NEBL: variants seen among roughly 807,000 people sequenced by gnomAD.
NEBL encodes the protein LIM and SH3 protein 2.
A neutral mutation model predicts 140.2 loss-of-function variants in NEBL; 122 were observed. The ratio of observed to expected loss-of-function variants is 0.87; its 90% CI spans 0.75 to 1.01. The LOEUF (loss-of-function observed/expected upper bound fraction) is 1.01, where lower values mean the gene tolerates loss of function less well. Ranked by LOEUF, NEBL falls within the 50% of genes least tolerant of loss-of-function variation. The probability of loss-of-function intolerance (pLI) is 0.00; values close to 1 mark genes in which losing one functional copy is unlikely to be tolerated. For missense variants in NEBL, 1,365 were observed against 1,231.3 expected, an observed-to-expected ratio of 1.11 and a Z score of -1.62; for synonymous variants, 436 against 398.9, an observed-to-expected ratio of 1.09 and a Z score of -1.11.
chr10:21,115,085 C>T (rs1838221413), intron 2 of NEBL, among the ~76,000 whole-genome samples: 1 of 151,760 alleles, frequency 6.6e-6, no homozygotes, highest in South Asian at 2.1e-4. Context: ...TTAGGCATTT[C>T]ATTAAGTTTT....
chr10:20,984,717 G>A (rs1240083309), intron 3 of NEBL, among the ~76,000 whole-genome samples: 2 of 152,030 alleles, frequency 1.3e-5, no homozygotes, highest in Non-Finnish European at 2.9e-5. Context: ...ATGCTGTAAA[G>A]CAGAGGTCCC....
chr10:21,227,586 A>G (rs1842168582), intron 3 of NEBL, among the ~76,000 whole-genome samples: 2 of 152,182 alleles, frequency 1.3e-5, no homozygotes, highest in South Asian at 4.1e-4. Flanking sequence ...AAAGCTACAT[A>G]CTTTTTCAAG....
chr10:21,285,516 T>G (rs1588601058), intron 1 of NEBL, among the ~76,000 whole-genome samples: 3 of 152,348 alleles, frequency 2.0e-5, no homozygotes, highest in East Asian at 1.9e-4. Context: ...ATATACTGAT[T>G]GATGTCTCAC....
chr10:21,027,309 A>C (rs1437162840), intron 2 of NEBL, among the ~76,000 whole-genome samples: 2 of 146,342 alleles, frequency 1.4e-5, no homozygotes, highest in Non-Finnish European at 1.5e-5. Flanking sequence ...TTTAAAAAAA[A>C]AACAACAACT....
chr10:21,088,337 A>C (rs371130698), intron 2 of NEBL, among the ~76,000 whole-genome samples: 4 of 152,156 alleles, frequency 2.6e-5, no homozygotes, highest in East Asian at 1.9e-4. Flanking sequence ...CCTATTTCTG[A>C]GAAAACATTT....
upstream of NEBL, among the ~76,000 whole-genome samples, chr10:21,178,261 AT>A (rs1468310248): frequency 6.6e-6 from 1 of 152,254 alleles, no homozygotes; most frequent in Non-Finnish European, 1.5e-5. Flanking sequence ...ACCTTCCTTC[AT>A]CCATTCAACA....
chr10:21,141,760 T>A (rs1182796575), intron 2 of NEBL, among the ~76,000 whole-genome samples: 1 of 152,206 alleles, frequency 6.6e-6, no homozygotes, highest in African/African-American at 2.4e-5. Flanking sequence ...TTATCTGAAG[T>A]ATGTTAATCT....
intron 26 of NEBL, among the ~76,000 whole-genome samples, chr10:20,798,570 C>T (rs1321809360): frequency 1.3e-5 from 2 of 152,164 alleles, no homozygotes; most frequent in Admixed American, 6.5e-5. Flanking sequence ...GTTCAACCAT[C>T]CGATAAGCAG....
chr10:20,968,793 G>A (rs1182514794), intron 3 of NEBL, among the ~76,000 whole-genome samples: 1 of 152,098 alleles, frequency 6.6e-6, no homozygotes, highest in African/African-American at 2.4e-5. Context: ...TACCTTTCAC[G>A]ACATGATAGA....
intron 2 of NEBL, among the ~76,000 whole-genome samples, chr10:21,067,213 C>T (rs974217630): frequency 2.2e-4 from 33 of 152,076 alleles, no homozygotes; most frequent in Admixed American, 1.2e-3. Flanking sequence ...CCTTGTGATC[C>T]GCCCACCTCG....
At chr10:20,899,505 C>T, upstream of NEBL, 1 of 1,059,582 alleles carries the variant, frequency 9.4e-7, no homozygotes, top group Non-Finnish European at 1.3e-6. Flanking sequence ...AAACAAAAAC[C>T]AAACACCACG....
chr10:21,013,344 C>T (rs1838420860), intron 3 of NEBL, among the ~76,000 whole-genome samples: 1 of 152,164 alleles, frequency 6.6e-6, no homozygotes, highest in Admixed American at 6.5e-5. Context: ...TTAACCATTA[C>T]ATACATGAGA....
intron 20 of NEBL, 71 bp from the exon 21 acceptor site, chr10:20,817,763 C>T (rs1019708934): frequency 7.3e-6 from 9 of 1,236,752 alleles, no homozygotes; most frequent in Non-Finnish European, 9.5e-6. Flanking sequence ...AAGGACAAGG[C>T]TCAAAATTAG....
chr10:21,053,202 C>T (rs553371640), intron 2 of NEBL, among the ~76,000 whole-genome samples: 36 of 152,260 alleles, frequency 2.4e-4, no homozygotes, highest in African/African-American at 5.3e-4. Flanking sequence ...TCACTGACAA[C>T]GTTCTTTCCC....
intron 3 of NEBL, among the ~76,000 whole-genome samples, chr10:21,005,366 G>T (rs1006249206): frequency 3.9e-5 from 6 of 152,176 alleles, no homozygotes; most frequent in Non-Finnish European, 7.3e-5. Flanking sequence ...AGCCTGAATG[G>T]TAAAGCCTCA....
chr10:20,956,789 A>T (rs562150313), intron 4 of NEBL, among the ~76,000 whole-genome samples: 26 of 152,286 alleles, frequency 1.7e-4, no homozygotes, highest in African/African-American at 6.0e-4. Context: ...AAAGTTTGCT[A>T]AATATAAAAA....
intron 3 of NEBL, among the ~76,000 whole-genome samples, chr10:21,210,518 G>C (rs909212716): frequency 3.8e-4 from 58 of 152,096 alleles, no homozygotes; most frequent in African/African-American, 1.3e-3. Flanking sequence ...ATTAACATTA[G>C]GCAATATAAC....
intron 1 of NEBL, among the ~76,000 whole-genome samples, chr10:21,276,163 C>T (rs774756866): frequency 4.6e-5 from 7 of 151,488 alleles, no homozygotes; most frequent in Admixed American, 2.0e-4. Flanking sequence ...GTGGAGACAG[C>T]GTTCCACCAT....
At chr10:20,936,674 G>A (rs1311311926) in intron 4 of NEBL, among the ~76,000 whole-genome samples, 1 of 152,188 alleles carries the variant, frequency 6.6e-6, no homozygotes, top group African/African-American at 2.4e-5. Context: ...ACTTCTCACT[G>A]AATCTAAATA....
Sources: gnomAD v4.1 joint callset for allele counts (sites outside exome capture counted in the v4.1 genomes callset) on GRCh38, gnomAD v4.1.1 for gene constraint, MANE v1.5 for transcripts, NCBI Gene and HGNC (gene_info 2026-07-23, HGNC 2026-07-21) for gene names.